Variants in BMP5 observed in about 807,000 individuals in gnomAD.
The protein encoded by BMP5 is bone morphogenetic protein 5.
In BMP5, 23 loss-of-function variants were observed where a neutral mutation model predicts 46.6. The ratio of observed to expected loss-of-function variants is 0.49; its 90% confidence interval spans 0.35 to 0.70. BMP5 has a LOEUF of 0.70. Among genes scored for constraint, BMP5 ranks in the 30% least tolerant of loss-of-function variants. The pLI, the probability that BMP5 is intolerant of heterozygous loss-of-function variation, is 0.00. For missense variants in BMP5, 545 were observed against 565.6 expected, an observed-to-expected ratio of 0.96 and a Z score of 0.37; for synonymous variants, 204 against 191.9, an observed-to-expected ratio of 1.06 and a Z score of -0.52.
chr6:55,862,761 T>C (rs1562076635), intron 1 of BMP5, among the ~76,000 whole-genome samples: 1 of 152,136 alleles, frequency 6.6e-6, no homozygotes. Flanking sequence ...ATACTAATAA[T>C]TTCCCAGAGC....
At chr6:55,790,528 T>A (rs1180648614) in intron 3 of BMP5, among the ~76,000 whole-genome samples, 1 of 152,232 alleles carries the variant, frequency 6.6e-6, no homozygotes, top group Non-Finnish European at 1.5e-5. Context: ...AGATTTCATA[T>A]TCCTTACATG....
At chr6:55,798,167 G>T (rs199970741) in intron 2 of BMP5, among the ~76,000 whole-genome samples, 1 of 152,068 alleles carries the variant, frequency 6.6e-6, no homozygotes, top group East Asian at 1.9e-4. Flanking sequence ...GACACCAGTC[G>T]TATTGGGTTA....
intron 2 of BMP5, among the ~76,000 whole-genome samples, chr6:55,807,903 G>A (rs1483055710): frequency 6.6e-6 from 1 of 152,126 alleles, no homozygotes; most frequent in Non-Finnish European, 1.5e-5. Flanking sequence ...CAGTAGGAAC[G>A]CTCCTGTATA....
intron 4 of BMP5, among the ~76,000 whole-genome samples, chr6:55,769,208 C>G (rs1018541007): frequency 6.6e-6 from 1 of 151,834 alleles, no homozygotes; most frequent in African/African-American, 2.4e-5. Flanking sequence ...GTGTAGTGTG[C>G]AAGGCTGTTT....
At chr6:55,772,693 A>G (rs1168234654) in intron 4 of BMP5, 9 of 921,770 alleles carry the variant, frequency 9.8e-6, no homozygotes, top group Non-Finnish European at 1.0e-5. Context: ...CACTAGTGTC[A>G]TGCTTTACTA....
chr6:55,838,150 A>G (rs1365600429), intron 1 of BMP5, among the ~76,000 whole-genome samples: 1 of 152,134 alleles, frequency 6.6e-6, no homozygotes, highest in Non-Finnish European at 1.5e-5. Flanking sequence ...TGATATACTG[A>G]TTTTCCCAGC....
chr6:55,820,030 T>C (rs548390671), intron 1 of BMP5, among the ~76,000 whole-genome samples, 183 bp from the exon 2 acceptor site: 2 of 152,288 alleles, frequency 1.3e-5, no homozygotes, highest in Non-Finnish European at 2.9e-5. Flanking sequence ...ACCAACAGCC[T>C]TTAGTTCAAA....
intron 1 of BMP5, among the ~76,000 whole-genome samples, chr6:55,866,586 C>T (rs1159372767): frequency 1.3e-5 from 2 of 152,080 alleles, no homozygotes; most frequent in Admixed American, 6.6e-5. Flanking sequence ...ATATATTGCT[C>T]TTCATTTTGC....
intron 2 of BMP5, among the ~76,000 whole-genome samples, chr6:55,818,242 T>G (rs778380381): frequency 2.0e-4 from 30 of 149,944 alleles, no homozygotes; most frequent in South Asian, 6.3e-4. Context: ...GCAGCATTAG[T>G]GTCTGGCTTT....
chr6:55,806,131 A>T (rs553696729), intron 2 of BMP5, among the ~76,000 whole-genome samples: 1 of 152,240 alleles, frequency 6.6e-6, no homozygotes, highest in African/African-American at 2.4e-5. Context: ...TTTTCATCAT[A>T]AAGTATTTGC....
At chr6:55,811,219 T>C (rs1776127278) in intron 2 of BMP5, among the ~76,000 whole-genome samples, 2 of 152,152 alleles carry the variant, frequency 1.3e-5, no homozygotes, top group South Asian at 4.1e-4. Context: ...GGGGAGATGA[T>C]GTAAATATGA....
intron 1 of BMP5, among the ~76,000 whole-genome samples, chr6:55,844,736 A>C (rs768658318): frequency 1.5e-4 from 23 of 151,844 alleles, no homozygotes; most frequent in Non-Finnish European, 2.4e-4. Flanking sequence ...ACACAGTTTA[A>C]CTCTTGCCAT....
At chr6:55,826,490 A>G (rs1776536493) in intron 1 of BMP5, among the ~76,000 whole-genome samples, 1 of 151,704 alleles carries the variant, frequency 6.6e-6, no homozygotes, top group African/African-American at 2.4e-5. Flanking sequence ...ATATTAGTTT[A>G]CTTTAAAAAT....
chr6:55,836,975 A>G (rs16887237), intron 1 of BMP5, among the ~76,000 whole-genome samples: 6,663 of 152,300 alleles, frequency 0.044, 468 homozygotes, highest in African/African-American at 0.15. Flanking sequence ...AAGTAGTGCT[A>G]TCAAATGTGC....
At chr6:55,779,655 T>C (rs1276829212) in intron 3 of BMP5, among the ~76,000 whole-genome samples, 2 of 152,076 alleles carry the variant, frequency 1.3e-5, no homozygotes, top group Admixed American at 6.6e-5. Context: ...AAATTCTATA[T>C]ATACTTAAAT....
chr6:55,814,272 T>C (rs1421986419), intron 2 of BMP5, among the ~76,000 whole-genome samples: 1 of 152,156 alleles, frequency 6.6e-6, no homozygotes, highest in African/African-American at 2.4e-5. Context: ...CCTACTGTTA[T>C]TATAATAAAA....
chr6:55,855,656 G>A (rs1205189197), intron 1 of BMP5, among the ~76,000 whole-genome samples: 2 of 151,978 alleles, frequency 1.3e-5, no homozygotes, highest in Non-Finnish European at 2.9e-5. Flanking sequence ...AGGATTTCAT[G>A]GAGTATGTTT....
chr6:55,829,011 A>G (rs529214511), intron 1 of BMP5, among the ~76,000 whole-genome samples: 21 of 151,984 alleles, frequency 1.4e-4, no homozygotes, highest in African/African-American at 4.8e-4. Flanking sequence ...TGATTATCAT[A>G]TGGAATAATA....
chr6:55,870,236 T>C (rs1777750538), intron 1 of BMP5, among the ~76,000 whole-genome samples: 1 of 151,548 alleles, frequency 6.6e-6, no homozygotes, highest in Admixed American at 6.6e-5. Context: ...TAAACTATGA[T>C]TATAACTATC....
Sources: gnomAD v4.1 joint callset for allele counts (sites outside exome capture counted in the v4.1 genomes callset) on GRCh38, gnomAD v4.1.1 for gene constraint, MANE v1.5 for transcripts, NCBI Gene and HGNC (gene_info 2026-07-23, HGNC 2026-07-21) for gene names.